MMD2: variants seen among roughly 807,000 people sequenced by gnomAD.
The protein encoded by MMD2 is monocyte to macrophage differentiation associated 2, also known as monocyte to macrophage differentiation factor 2.
A neutral mutation model predicts 33.5 loss-of-function variants in MMD2; 30 were observed. The ratio of observed to expected loss-of-function variants is 0.90; its 90% CI spans 0.67 to 1.22. MMD2 has a LOEUF of 1.22. Ranked by LOEUF, MMD2 falls within the 50% of genes most tolerant of loss-of-function variation. The probability of loss-of-function intolerance (pLI) is 0.00; values close to 1 mark genes in which losing one functional copy is unlikely to be tolerated. For missense variants in MMD2, 364 were observed against 325.4 expected, an observed-to-expected ratio of 1.12 and a Z score of -0.91; for synonymous variants, 129 against 123.0, an observed-to-expected ratio of 1.05 and a Z score of -0.32.
the MMD2 span, among the ~76,000 whole-genome samples, chr7:4,892,874 C>G: frequency 2.6e-5 from 4 of 151,990 alleles, no homozygotes; most frequent in Non-Finnish European, 5.9e-5. Flanking sequence ...GCCACCACAC[C>G]TAGCTAATTT....
At chr7:4,945,072 TC>T (rs911023727) in intron 1 of MMD2, among the ~76,000 whole-genome samples, 3 of 149,910 alleles carry the variant, frequency 2.0e-5, no homozygotes, top group African/African-American at 7.3e-5. Flanking sequence ...TTCCTCCTCC[TC>T]CCCCCGACCC....
At chr7:4,893,454 C>T in the MMD2 span, among the ~76,000 whole-genome samples, 183 of 151,714 alleles carry the variant, frequency 1.2e-3, 1 homozygote, top group Non-Finnish European at 1.9e-3. Context: ...TGCAGTGGCG[C>T]AATCTTGTCT....
intron 2 of MMD2, among the ~76,000 whole-genome samples, chr7:4,923,192 C>T (rs1455584509): frequency 1.3e-5 from 2 of 152,060 alleles, no homozygotes; most frequent in Non-Finnish European, 2.9e-5. Flanking sequence ...CAGCCTCTGC[C>T]TCCTGGGTTC....
chr7:4,929,064 G>A (rs1216938753), intron 1 of MMD2, among the ~76,000 whole-genome samples: 2 of 152,134 alleles, frequency 1.3e-5, no homozygotes, highest in Non-Finnish European at 2.9e-5. Context: ...GTGAAAGCTG[G>A]GCAGGGGGGT....
At chr7:4,900,261 C>CA in the MMD2 span, among the ~76,000 whole-genome samples, 14 of 147,928 alleles carry the variant, frequency 9.5e-5, no homozygotes, top group South Asian at 1.5e-3. Flanking sequence ...GACTGTGTCT[C>CA]AAAAAAAAAG....
At chr7:4,930,082 A>T (rs1785535284) in intron 1 of MMD2, among the ~76,000 whole-genome samples, 1 of 149,694 alleles carries the variant, frequency 6.7e-6, no homozygotes, top group Non-Finnish European at 1.5e-5. Context: ...ATCCTGGCTA[A>T]CACAGTGAAA....
intron 2 of MMD2, among the ~76,000 whole-genome samples, chr7:4,924,857 T>G (rs1785380816): frequency 6.6e-6 from 1 of 152,052 alleles, no homozygotes; most frequent in African/African-American, 2.4e-5. Context: ...GGGAGGTGCG[T>G]GGACAGACGG....
the MMD2 span, among the ~76,000 whole-genome samples, chr7:4,898,800 G>A: frequency 6.6e-6 from 1 of 152,188 alleles, no homozygotes; most frequent in Non-Finnish European, 1.5e-5. Flanking sequence ...TTGGGAGGCT[G>A]AGACAGGATA....
At chr7:4,957,860 C>A (rs1359110346) in intron 1 of MMD2, among the ~76,000 whole-genome samples, 3 of 152,172 alleles carry the variant, frequency 2.0e-5, no homozygotes, top group African/African-American at 7.2e-5. Context: ...GCCAGCCTTC[C>A]CTACCCTGGA....
chr7:4,898,035 G>A, the MMD2 span, among the ~76,000 whole-genome samples: 1 of 152,116 alleles, frequency 6.6e-6, no homozygotes, highest in Admixed American at 6.6e-5. Flanking sequence ...ACCGCACCCG[G>A]CCTATCTCTT....
chr7:4,920,539 T>C (rs1785254425), intron 2 of MMD2, among the ~76,000 whole-genome samples: 1 of 151,314 alleles, frequency 6.6e-6, no homozygotes, highest in South Asian at 2.1e-4. Context: ...CCTCCCTCTC[T>C]CCTTTCCCTT....
At chr7:4,897,427 T>C in the MMD2 span, among the ~76,000 whole-genome samples, 1 of 152,176 alleles carries the variant, frequency 6.6e-6, no homozygotes, top group Non-Finnish European at 1.5e-5. Flanking sequence ...AGCAGGACAT[T>C]TTTTTAAAAG....
chr7:4,958,921 G>T (rs1786462687), intron 1 of MMD2, 50 bp downstream of exon 1: 3 of 1,276,306 alleles, frequency 2.4e-6, no homozygotes, highest in Non-Finnish European at 3.0e-6. Context: ...GGCCCCCGCC[G>T]CCGCGCGCCC....
chr7:4,943,258 C>T (rs1785960636), intron 1 of MMD2, among the ~76,000 whole-genome samples: 2 of 151,872 alleles, frequency 1.3e-5, no homozygotes, highest in South Asian at 4.2e-4. Flanking sequence ...ATCCGCCTGC[C>T]TCAGCCTCCC....
chr7:4,910,791 G>C (rs984866919), intron 5 of MMD2, among the ~76,000 whole-genome samples: 1 of 152,142 alleles, frequency 6.6e-6, no homozygotes, highest in African/African-American at 2.4e-5. Context: ...ATGACACCCA[G>C]CTAATTTTTG....
At chr7:4,919,147 C>A (rs1233089537) in intron 3 of MMD2, among the ~76,000 whole-genome samples, 1 of 151,966 alleles carries the variant, frequency 6.6e-6, no homozygotes, top group Non-Finnish European at 1.5e-5. Flanking sequence ...CTAGTGCCTG[C>A]ATTGCAGAAT....
chr7:4,921,711 G>A (rs2115105866), intron 2 of MMD2, among the ~76,000 whole-genome samples: 1 of 151,726 alleles, frequency 6.6e-6, no homozygotes, highest in African/African-American at 2.4e-5. Context: ...CTGCCTGCAA[G>A]ATCAGCCCAG....
the MMD2 span, among the ~76,000 whole-genome samples, chr7:4,895,382 A>G: frequency 6.6e-6 from 1 of 152,114 alleles, no homozygotes; most frequent in Admixed American, 6.6e-5. Context: ...AGCCAGCTGA[A>G]GTCTTTTTAT....
At chr7:4,925,418 T>C (rs760025839) in intron 2 of MMD2, 33 bp downstream of exon 2, 1 of 1,294,080 alleles carries the variant, frequency 7.7e-7, no homozygotes. Flanking sequence ...AGTGTCCCCA[T>C]CTCAGCCCTG....
Sources: gnomAD v4.1 joint callset for allele counts (sites outside exome capture counted in the v4.1 genomes callset) on GRCh38, gnomAD v4.1.1 for gene constraint, MANE v1.5 for transcripts, NCBI Gene and HGNC (gene_info 2026-07-23, HGNC 2026-07-21) for gene names.